The following CAB39L variants were observed in gnomAD, a reference collection of about 807,000 sequenced individuals.
CAB39L encodes calcium-binding protein 39-like.
In CAB39L, 23 loss-of-function variants were observed where a neutral mutation model predicts 39.1. The ratio of observed to expected loss-of-function variants is 0.59; its 90% CI spans 0.42 to 0.83. The LOEUF (loss-of-function observed/expected upper bound fraction) is 0.83. Ranked by LOEUF, CAB39L falls within the 40% of genes least tolerant of loss-of-function variation. The pLI, the probability that CAB39L is intolerant of heterozygous loss-of-function variation, is 0.00. For missense variants in CAB39L, 366 were observed against 391.9 expected (o/e 0.93, Z 0.56); for synonymous variants, 126 against 137.2 (o/e 0.92, Z 0.57).
rs1264664960 is a variant in CAB39L, at chr13:49,339,686, CTG to C, written c.679_680del (p.Gln227ValfsTer38). 1.3e-6 allele frequency: 2 copies of C among 1,571,732 alleles called. No individual in the cohort carries two copies. The highest frequency in any genetic ancestry group is 2.3e-5 in the East Asian group (1 of 43,194). Reference protein sequence around the residue: ...LQSENYVTKRQSLKLLGELIL... With the variant: ...LQSENYVTKRXSLKLLGELIL... The stretch of plus-strand genomic sequence containing the variant: ...AGAAATTTGATATTACCTTTAAAGA[CTG>C]TCTCTTAGTAACATAATTCTCAGAC... On this transcript the variant is annotated frameshift_variant, in exon 9 of 11. Coordinates refer to ENST00000409308, the MANE Select transcript of CAB39L (RefSeq NM_001079670.3). LOFTEE classifies it high-confidence loss of function.
In CAB39L at chr13:49,439,785, G is replaced by A. The variant is rs138940777; in HGVS notation, c.-246+4201C>T. 3.9e-4 allele frequency among the ~76,000 whole-genome samples: 59 copies of A among 152,232 alleles called. 1 individual carries two copies. Among genetic ancestry groups the A allele is most frequent in the Non-Finnish European group, 5.0e-4 (34 of 68,016 alleles). On this transcript the variant is annotated intron_variant, in intron 1 of 10. Transcript: ENST00000409308. ...TTTAGTAAGAGCCATTCTGACTGGC[G>A]TGAGATGATGTCTCATTATGGTTTT...
At chr13:49,358,004 TG>T (rs1955532074) in intron 6 of CAB39L, among the ~76,000 whole-genome samples, 1 of 152,204 alleles carries the variant, frequency 6.6e-6, no homozygotes, top group African/African-American at 2.4e-5. Flanking sequence ...GAAATGGCAA[TG>T]AACAAAGTGA....
chr13:49,403,105 G>C (rs1184411439), intron 3 of CAB39L, among the ~76,000 whole-genome samples: 1 of 151,990 alleles, frequency 6.6e-6, no homozygotes, highest in Non-Finnish European at 1.5e-5. Context: ...GTCAAGTCAA[G>C]GACTTTAAAA....
Position 49,310,448 on chromosome 13 carries a change from C to G in CAB39L, c.*366G>C, listed in dbSNP as rs951293719. On this transcript the variant is annotated 3_prime_UTR_variant, in exon 11 of 11. Transcript: ENST00000409308. ...GGCAAAGCATTTTTGCACCCTGGCC[C>G]CATTCCCAGTTCTCCCCTGAGAACT... The G allele has an allele frequency of 5.4e-6, 1 of 183,488 alleles. No individual in the cohort carries two copies. The highest frequency in any genetic ancestry group is 1.4e-4 in the East Asian group (1 of 7,254). The allele number at this position is 183,488 out of a possible 1,614,324, so 11.4% of individuals were successfully genotyped here. A position where few individuals can be genotyped will look rare whatever the true frequency, so the allele number is the denominator to read the frequency against.
chr13:49,322,995 T>A (rs1167933057), intron 10 of CAB39L, among the ~76,000 whole-genome samples: 1 of 152,232 alleles, frequency 6.6e-6, no homozygotes, highest in Non-Finnish European at 1.5e-5. Context: ...GTCAGTCTTC[T>A]TTTTTGGTGC....
chr13:49,408,559 C>T (rs576087090), intron 3 of CAB39L, among the ~76,000 whole-genome samples: 53 of 152,220 alleles, frequency 3.5e-4, no homozygotes, highest in African/African-American at 1.3e-3. Flanking sequence ...ACTGGCTGGG[C>T]GTAGTGGCTC....
chr13:49,422,221 A>G (rs928065359), intron 3 of CAB39L, among the ~76,000 whole-genome samples: 1 of 152,144 alleles, frequency 6.6e-6, no homozygotes, highest in Non-Finnish European at 1.5e-5. Flanking sequence ...ACTTTGTGAT[A>G]AAGGAAAGAG....
intron 1 of CAB39L, among the ~76,000 whole-genome samples, chr13:49,437,153 T>C (rs1442919730): frequency 6.6e-6 from 1 of 152,242 alleles, no homozygotes; most frequent in Non-Finnish European, 1.5e-5. Flanking sequence ...CTGTTCATCT[T>C]GAAATATTTT....
At chr13:49,380,510 A>G (rs1956231133) in intron 4 of CAB39L, among the ~76,000 whole-genome samples, 1 of 152,218 alleles carries the variant, frequency 6.6e-6, no homozygotes, top group African/African-American at 2.4e-5. Flanking sequence ...GGGAGAGGGA[A>G]ATAAGTAATG....
At chr13:49,414,599 G>C (rs1438355233) in intron 3 of CAB39L, among the ~76,000 whole-genome samples, 2 of 152,032 alleles carry the variant, frequency 1.3e-5, no homozygotes, top group African/African-American at 4.8e-5. Context: ...AATAAAATAT[G>C]TTAAATAAAA....
intron 3 of CAB39L, among the ~76,000 whole-genome samples, chr13:49,429,481 T>C (rs1347769068): frequency 6.6e-6 from 1 of 152,242 alleles, no homozygotes; most frequent in Non-Finnish European, 1.5e-5. Flanking sequence ...TTTGTCACTC[T>C]CATAGTCAAT....
At chr13:49,329,547 ATAT>A (rs1954618905) in intron 10 of CAB39L, among the ~76,000 whole-genome samples, 391 of 32,904 alleles carry the variant, frequency 0.012, 9 homozygotes, top group Non-Finnish European at 0.021. Flanking sequence ...AAAAAAAAAT[ATAT>A]ATATATATAT....
intron 10 of CAB39L, among the ~76,000 whole-genome samples, chr13:49,319,019 G>A (rs1463079133): frequency 6.6e-6 from 1 of 152,096 alleles, no homozygotes; most frequent in Non-Finnish European, 1.5e-5. Context: ...CAAGGCAGGT[G>A]GATCACTTGA....
At position 49,372,836 on chromosome 13, in the gene CAB39L, G is replaced by A. The variant is rs142554715; in HGVS notation, c.276+4131C>T. Among the ~76,000 whole-genome samples the A allele has an allele frequency of 2.2e-3, 327 of 152,082 alleles. 2 individuals carry two copies. The highest frequency in any genetic ancestry group is 6.8e-3 in the African/African-American group (283 of 41,474). Reference sequence around the variant, plus strand: ...ACTACAGGCGCCCGCCACCACGCCCGGCTAATTTTTATATTTTTAGTAGAG... The same window carrying A: ...ACTACAGGCGCCCGCCACCACGCCCAGCTAATTTTTATATTTTTAGTAGAG... On this transcript the variant is annotated intron_variant, in intron 5 of 10. Coordinates refer to ENST00000409308, the MANE Select transcript of CAB39L (RefSeq NM_001079670.3).
intron 9 of CAB39L, among the ~76,000 whole-genome samples, chr13:49,337,719 T>C (rs1200013208): frequency 7.1e-6 from 1 of 141,402 alleles, no homozygotes; most frequent in Non-Finnish European, 1.5e-5. Context: ...ACTGATCGTC[T>C]AGCTGCTCTG....
At chr13:49,389,060 GAAGA>G (rs780899000) in intron 3 of CAB39L, among the ~76,000 whole-genome samples, 12 of 152,094 alleles carry the variant, frequency 7.9e-5, no homozygotes, top group Non-Finnish European at 1.2e-4. Context: ...AAATAAAAAA[GAAGA>G]AAGAAAAGTG....
chr13:49,417,273 A>T (rs1177760988), intron 3 of CAB39L, among the ~76,000 whole-genome samples: 5 of 152,234 alleles, frequency 3.3e-5, no homozygotes, highest in Non-Finnish European at 7.3e-5. Context: ...TAGGGGATTG[A>T]GGAGAGTTGT....
chr13:49,434,822 G>T (rs1489544091), intron 1 of CAB39L, among the ~76,000 whole-genome samples: 1 of 151,746 alleles, frequency 6.6e-6, no homozygotes, highest in Non-Finnish European at 1.5e-5. Context: ...CAAAATCTAT[G>T]TTCTAGAGCC....
At chr13:49,313,900 C>T (rs932193003) in intron 10 of CAB39L, among the ~76,000 whole-genome samples, 5 of 152,082 alleles carry the variant, frequency 3.3e-5, no homozygotes, top group African/African-American at 1.2e-4. Context: ...GGTTCCTCCA[C>T]CCTAGCAAGT....
Sources: allele counts gnomAD v4.1 joint callset (sites outside exome capture counted in the v4.1 genomes callset), GRCh38; gene constraint gnomAD v4.1.1; transcripts MANE v1.5; gene names NCBI Gene and HGNC (gene_info 2026-07-23, HGNC 2026-07-21).